Variants in ITPKB observed in about 807,000 individuals in gnomAD.
The protein encoded by ITPKB is inositol-trisphosphate 3-kinase B, also known as IP3 3-kinase B.
In ITPKB, 13 loss-of-function variants were observed where a neutral mutation model predicts 69.4. That is an observed-to-expected ratio of 0.19 (90% CI 0.12 to 0.30). The LOEUF (loss-of-function observed/expected upper bound fraction) is 0.30. Among genes scored for constraint, ITPKB ranks in the 10% least tolerant of loss-of-function variants. The probability of loss-of-function intolerance (pLI) is 1.00; values close to 1 mark genes in which losing one functional copy is unlikely to be tolerated. For missense variants in ITPKB, 1,240 were observed against 1,250.5 expected (o/e 0.99, Z 0.13); for synonymous variants, 584 against 513.7 (o/e 1.14, Z -1.85).
At chr1:226,695,551 G>T (rs1656458076) in intron 2 of ITPKB, among the ~76,000 whole-genome samples, 1 of 152,142 alleles carries the variant, frequency 6.6e-6, no homozygotes, top group Non-Finnish European at 1.5e-5. Flanking sequence ...AGCAGTCCAG[G>T]CATCTCTCAC....
chr1:226,717,355 T>A (rs893092995), intron 2 of ITPKB, among the ~76,000 whole-genome samples: 1 of 152,194 alleles, frequency 6.6e-6, no homozygotes, highest in African/African-American at 2.4e-5. Flanking sequence ...ACATACCCCA[T>A]GTTTCTTTTT....
intron 2 of ITPKB, among the ~76,000 whole-genome samples, chr1:226,729,109 G>A (rs961885952): frequency 6.6e-6 from 1 of 152,188 alleles, no homozygotes; most frequent in African/African-American, 2.4e-5. Context: ...AAGTTTGTTA[G>A]TTGAAGGGTG....
intron 6 of ITPKB, among the ~76,000 whole-genome samples, chr1:226,639,050 T>C (rs1668896608): frequency 9.2e-6 from 1 of 108,578 alleles, no homozygotes; most frequent in Admixed American, 1.3e-4. Flanking sequence ...TTCAGTGCCC[T>C]TGACTTTTTT....
intron 2 of ITPKB, among the ~76,000 whole-genome samples, chr1:226,658,847 TG>T (rs1448786008): frequency 6.6e-6 from 1 of 152,112 alleles, no homozygotes; most frequent in Admixed American, 6.5e-5. Flanking sequence ...AGAACGAGGA[TG>T]ATGGGTCCTT....
intron 2 of ITPKB, among the ~76,000 whole-genome samples, chr1:226,729,453 G>A (rs1223949021): frequency 7.3e-6 from 1 of 136,162 alleles, no homozygotes; most frequent in East Asian, 2.2e-4. Flanking sequence ...CTGCACTCCA[G>A]CCTGGGTGAC....
intron 2 of ITPKB, chr1:226,674,775 CCTCA>C (rs1483341374): frequency 6.6e-6 from 1 of 152,436 alleles, no homozygotes; most frequent in African/African-American, 2.4e-5. Context: ...GCCTCCTTTT[CCTCA>C]CTATCTACCC....
At chr1:226,723,515 T>C (rs1207692149) in intron 2 of ITPKB, among the ~76,000 whole-genome samples, 1 of 151,926 alleles carries the variant, frequency 6.6e-6, no homozygotes, top group Non-Finnish European at 1.5e-5. Context: ...GAGACCTCCT[T>C]GGTAAGAAAA....
intron 2 of ITPKB, among the ~76,000 whole-genome samples, chr1:226,686,582 C>A (rs531310691): frequency 6.6e-6 from 1 of 152,192 alleles, no homozygotes; most frequent in Non-Finnish European, 1.5e-5. Flanking sequence ...CGTCAGCGTG[C>A]GGTGTAACGT....
chr1:226,683,048 C>T (rs914406178), intron 2 of ITPKB, among the ~76,000 whole-genome samples: 3 of 152,206 alleles, frequency 2.0e-5, no homozygotes, highest in African/African-American at 4.8e-5. Flanking sequence ...TTCCCTCCTA[C>T]TTTACACCAT....
rs561781823 is a variant in ITPKB at position 226,677,092 on chromosome 1, C to A, written c.1933-28321G>T. On this transcript the variant is annotated intron_variant, in intron 2 of 7. Transcript: ENST00000429204. ...GGAAGCCTGGAGCAATTTGAAACGC[C>A]GTCCTAAGATCTTGAGGCCAAAGGC... Among the ~76,000 whole-genome samples the A allele has an allele frequency of 7.2e-5, 11 of 152,304 alleles. No individual in the cohort carries two copies. In the South Asian group the frequency reaches 2.3e-3, roughly 32 times the overall value.
At chr1:226,682,385 C>T (rs900548092) in intron 2 of ITPKB, among the ~76,000 whole-genome samples, 3 of 152,174 alleles carry the variant, frequency 2.0e-5, no homozygotes, top group Non-Finnish European at 4.4e-5. Context: ...CTTCTGTGTA[C>T]TGGCAGTGCA....
At chr1:226,701,115 A>C (rs1656626462) in intron 2 of ITPKB, among the ~76,000 whole-genome samples, 1 of 152,178 alleles carries the variant, frequency 6.6e-6, no homozygotes, top group Non-Finnish European at 1.5e-5. Flanking sequence ...GGCACTTCAA[A>C]TGCTTTTGGC....
At chr1:226,656,864 G>A (rs979484003) in intron 2 of ITPKB, 2 of 152,252 alleles carry the variant, frequency 1.3e-5, no homozygotes, top group South Asian at 4.1e-4. Flanking sequence ...GCCTGAGCAG[G>A]TGACAGGCAC....
Position 226,736,013 on chromosome 1 carries a change from C to G in ITPKB, c.1446G>C (p.Trp482Cys). ...SGRMLEPLPC[W>C]DAAKDLKEPQ... ...GTTCTTTCAGATCTTTCGCAGCGTCCCAACAGGGCAAAGGCTCCAGCATTC... is the reference window on the plus strand; with the variant it reads ...GTTCTTTCAGATCTTTCGCAGCGTCGCAACAGGGCAAAGGCTCCAGCATTC... Residue 482 changes from tryptophan (W) to cysteine (C), a missense_variant, in exon 2 of 8, where the codon TGG becomes TGC. This residue lies in a region of ITPKB where 992 missense variants were observed against 853.8 expected (regional missense o/e 1.16). Transcript: ENST00000429204. 1 of 1,613,854 alleles carries G rather than the reference C, an allele frequency of 6.2e-7. No individual in the cohort carries two copies. The highest frequency in any genetic ancestry group is 1.1e-5 in the South Asian group (1 of 91,086).
intron 2 of ITPKB, among the ~76,000 whole-genome samples, chr1:226,715,560 T>C (rs1657075132): frequency 1.3e-5 from 2 of 152,226 alleles, no homozygotes; most frequent in South Asian, 4.1e-4. Flanking sequence ...GTAACTTGAA[T>C]CAAAATGAAC....
chr1:226,721,150 C>T (rs1657229599), intron 2 of ITPKB, among the ~76,000 whole-genome samples: 1 of 150,384 alleles, frequency 6.6e-6, no homozygotes, highest in Non-Finnish European at 1.5e-5. Context: ...TCGAGCCCAA[C>T]CTGACCAACA....
intron 2 of ITPKB, among the ~76,000 whole-genome samples, chr1:226,726,212 A>G (rs1397939057): frequency 6.6e-6 from 1 of 152,248 alleles, no homozygotes; most frequent in East Asian, 1.9e-4. Context: ...TCTGAGAGTC[A>G]CAAGTCTTTC....
At chr1:226,640,036 G>A (rs1051543653) in intron 5 of ITPKB, among the ~76,000 whole-genome samples, 7 of 152,118 alleles carry the variant, frequency 4.6e-5, no homozygotes, top group Non-Finnish European at 5.9e-5. Flanking sequence ...TCTGGGGCCC[G>A]GGCCCTGGAA....
Position 226,685,377 on chromosome 1 carries a change from G to A in ITPKB, c.1933-36606C>T, listed in dbSNP as rs542144387. Among the ~76,000 whole-genome samples the A allele has an allele frequency of 1.2e-4, 18 of 152,178 alleles. No homozygotes were observed. The East Asian group carries it at 1.4e-3, about 11-fold the overall frequency. ...GACATTGACCCACTCACCATTTCCCGGTCCCGCCACATTCTCTCGGGTTTC... is the reference window on the plus strand; with the variant it reads ...GACATTGACCCACTCACCATTTCCCAGTCCCGCCACATTCTCTCGGGTTTC... On this transcript the variant is annotated intron_variant, in intron 2 of 7. Coordinates refer to ENST00000429204, the MANE Select transcript of ITPKB (RefSeq NM_002221.4).
Sources: gnomAD v4.1 joint callset for allele counts (sites outside exome capture counted in the v4.1 genomes callset) on GRCh38, gnomAD v4.1.1 for gene constraint, gnomAD v4.1.1 regional missense constraint, MANE v1.5 for transcripts, NCBI Gene and HGNC (gene_info 2026-07-23, HGNC 2026-07-21) for gene names.